Variants in ASTN2 observed in about 807,000 individuals in gnomAD.
ASTN2 encodes the protein astrotactin 2.
A neutral mutation model predicts 139.8 loss-of-function variants in ASTN2; 54 were observed. The ratio of observed to expected loss-of-function variants is 0.39; its 90% CI spans 0.31 to 0.48. ASTN2 has a LOEUF of 0.48. ASTN2 is among the 20% of genes least tolerant of loss of function. ASTN2 has a pLI of 0.95. For synonymous variants in ASTN2, 756 were observed against 719.5 expected (o/e 1.05, Z -0.81); for missense variants, 1,565 against 1,725.1 (o/e 0.91, Z 1.64).
At chr9:116,960,428 T>C (rs16934119) in intron 10 of ASTN2, among the ~76,000 whole-genome samples, 10,295 of 151,982 alleles carry the variant, frequency 0.068, 444 homozygotes, top group East Asian at 0.13. Context: ...TTCTAGAAGG[T>C]GCAATGGAAA....
At chr9:116,768,076 G>C (rs939732355) in intron 13 of ASTN2, among the ~76,000 whole-genome samples, 2 of 152,194 alleles carry the variant, frequency 1.3e-5, no homozygotes, top group Non-Finnish European at 2.9e-5. Context: ...TAGCAGTCTA[G>C]TAGGGAAGTC....
rs939064828 is a variant in ASTN2 at position 117,076,279 on chromosome 9, G to T, written c.1276+19765C>A. Among the ~76,000 whole-genome samples the T allele has an allele frequency of 9.2e-5, 14 of 152,270 alleles. No homozygotes were observed. The East Asian group carries it at 2.7e-3, about 29-fold the overall frequency. On this transcript the variant is annotated intron_variant, in intron 5 of 22. Transcript: ENST00000313400. The stretch of plus-strand genomic sequence containing the variant: ...AGATGTCACTGTTGAGGGTGAAAAG[G>T]CAAGAGAAGATTATCCCAGACAGAG...
chr9:117,348,403 G>A (rs1393025112), intron 1 of ASTN2, among the ~76,000 whole-genome samples: 1 of 152,160 alleles, frequency 6.6e-6, no homozygotes, highest in East Asian at 1.9e-4. Context: ...GTTAGGCAGT[G>A]TCAGATACAA....
intron 16 of ASTN2, among the ~76,000 whole-genome samples, chr9:116,682,346 G>C (rs1859933670): frequency 1.3e-5 from 2 of 152,190 alleles, no homozygotes; most frequent in African/African-American, 4.8e-5. Context: ...ACACCAGTTA[G>C]AATGGCAATC....
At chr9:117,163,954 C>T (rs1048010317) in intron 3 of ASTN2, among the ~76,000 whole-genome samples, 4 of 152,074 alleles carry the variant, frequency 2.6e-5, no homozygotes, top group African/African-American at 9.7e-5. Flanking sequence ...TAGTGCCTGG[C>T]ATATAGCAGG....
chr9:117,361,007 T>C (rs2130895313), intron 1 of ASTN2, among the ~76,000 whole-genome samples: 1 of 152,276 alleles, frequency 6.6e-6, no homozygotes, highest in East Asian at 1.9e-4. Flanking sequence ...ATTCTAAATC[T>C]TGCCCAGACC....
Position 116,733,600 on chromosome 9 carries a change from G to A in ASTN2, c.2397-77C>T. 2.5e-6 allele frequency: 4 copies of A among 1,577,586 alleles called. No individual in the cohort carries two copies. The East Asian group carries it at 6.7e-5, about 27-fold the overall frequency. On this transcript the variant is annotated intron_variant, in intron 13 of 22. Transcript: ENST00000313400. ...GGACTACAGGGCAAGGAGGCAGGAT[G>A]CTGTAGTCAGAATAAAGACTCATGG...
At chr9:116,787,747 G>A (rs1034960164) in intron 13 of ASTN2, among the ~76,000 whole-genome samples, 1 of 152,084 alleles carries the variant, frequency 6.6e-6, no homozygotes, top group Non-Finnish European at 1.5e-5. Context: ...ATCATCCAGT[G>A]TCATTTTGCT....
intron 7 of ASTN2, among the ~76,000 whole-genome samples, chr9:116,991,005 C>T (rs1195321168): frequency 2.0e-5 from 3 of 152,100 alleles, no homozygotes; most frequent in African/African-American, 4.8e-5. Context: ...GTGTTAGCAA[C>T]GTAAATCCAT....
At chr9:116,640,564 G>GA (rs1588128210) in intron 17 of ASTN2, among the ~76,000 whole-genome samples, 4 of 152,202 alleles carry the variant, frequency 2.6e-5, no homozygotes, top group East Asian at 1.9e-4. Context: ...CTCTTTGGCA[G>GA]GACAGAGCAC....
intron 1 of ASTN2, among the ~76,000 whole-genome samples, chr9:117,354,377 C>T (rs757927983): frequency 6.6e-6 from 1 of 152,114 alleles, no homozygotes; most frequent in Non-Finnish European, 1.5e-5. Flanking sequence ...ACTCATCAAG[C>T]TGTTTCTCAC....
chr9:117,167,373 T>G (rs538635995), intron 3 of ASTN2, among the ~76,000 whole-genome samples: 15 of 152,234 alleles, frequency 9.9e-5, no homozygotes, highest in African/African-American at 3.1e-4. Context: ...CATTAAAACA[T>G]TACTTTTTAG....
chr9:116,502,968 A>T (rs1377958250), intron 19 of ASTN2, among the ~76,000 whole-genome samples: 3 of 134,334 alleles, frequency 2.2e-5, no homozygotes, highest in African/African-American at 8.3e-5. Context: ...GGAAGAAAAG[A>T]AGGGAAGGAA....
chr9:117,046,852 C>T (rs1259840554), intron 5 of ASTN2, among the ~76,000 whole-genome samples: 8 of 152,150 alleles, frequency 5.3e-5, no homozygotes, highest in Non-Finnish European at 1.0e-4. Context: ...TGAGTGAATG[C>T]TTAAATGTTG....
intron 10 of ASTN2, among the ~76,000 whole-genome samples, chr9:116,973,553 G>A (rs1221192345): frequency 1.3e-5 from 2 of 152,184 alleles, no homozygotes. Context: ...CAACAGGACA[G>A]AACTATGAGG....
intron 19 of ASTN2, among the ~76,000 whole-genome samples, chr9:116,491,765 T>A (rs1253497204): frequency 2.6e-5 from 4 of 152,160 alleles, no homozygotes; most frequent in Non-Finnish European, 5.9e-5. Context: ...TCAATGCAAT[T>A]CAACACATGT....
chr9:117,104,601 G>T (rs927000109), intron 4 of ASTN2, among the ~76,000 whole-genome samples: 1 of 152,122 alleles, frequency 6.6e-6, no homozygotes, highest in Non-Finnish European at 1.5e-5. Flanking sequence ...TTTTTAAAGT[G>T]CACACATAAA....
chr9:117,393,385 TGTAGAGAAA>T (rs1251144389), intron 1 of ASTN2, among the ~76,000 whole-genome samples: 1 of 149,386 alleles, frequency 6.7e-6, no homozygotes, highest in Non-Finnish European at 1.5e-5. Flanking sequence ...CACACACAGA[TGTAGAGAAA>T]GAGGAGAAAA....
intron 10 of ASTN2, among the ~76,000 whole-genome samples, chr9:116,961,978 T>C (rs1588443459): frequency 6.6e-6 from 1 of 152,214 alleles, no homozygotes; most frequent in African/African-American, 2.4e-5. Flanking sequence ...ATTGCAAATA[T>C]GGAGAATGAG....
Sources: allele counts gnomAD v4.1 joint callset (sites outside exome capture counted in the v4.1 genomes callset), GRCh38; gene constraint gnomAD v4.1.1; transcripts MANE v1.5; gene names NCBI Gene and HGNC (gene_info 2026-07-23, HGNC 2026-07-21).